Variants in SYNJ2 observed in about 807,000 individuals in gnomAD.
SYNJ2 encodes polyphosphatidylinositol phosphatase SYNJ2.
Under a neutral mutation model 141.3 loss-of-function variants are expected in SYNJ2, and 116 were observed. That is an observed-to-expected ratio of 0.82 (90% CI 0.71 to 0.96). The LOEUF is 0.96. SYNJ2 is among the 40% of genes least tolerant of loss of function. The probability of loss-of-function intolerance (pLI) is 0.00; values close to 1 mark genes in which losing one functional copy is unlikely to be tolerated. For synonymous variants in SYNJ2, 745 were observed against 777.7 expected (o/e 0.96, Z 0.70); for missense variants, 1,873 against 1,934.8 (o/e 0.97, Z 0.60).
chr6:158,047,799 A>AAAAAAAAAAAAAAAAAC (rs1562355896), intron 5 of SYNJ2, among the ~76,000 whole-genome samples: 1 of 149,806 alleles, frequency 6.7e-6, no homozygotes, highest in African/African-American at 2.5e-5. Context: ...AAAAAAAAAA[A>AAAAAAAAAAAAAAAAAC]AAAAAACACA....
Position 158,043,329 on chromosome 6 carries a change from A to C in SYNJ2, c.725A>C (p.Asp242Ala). Residue 242 changes from aspartate to alanine, a missense_variant, in exon 5 of 27, where the codon GAC (aspartate) becomes GCC (alanine). Coordinates refer to ENST00000355585, the MANE Select transcript of SYNJ2 (RefSeq NM_003898.4). The surrounding 1 kb of genome is among the most constrained non-coding windows in gnomAD (Gnocchi z 4.0). ...FVETEQMIYM[D>A]DGVSSFVQIR... ...CTTGTGCCGCAGATGATTTACATGG[A>C]CGATGGAGTGTCATCTTTTGTCCAG... is the stretch of plus-strand genomic sequence containing the variant. 6.2e-7 allele frequency: 1 copy of C among 1,613,990 alleles called. No individual in the cohort carries two copies. Among genetic ancestry groups the C allele is most frequent in the South Asian group, 1.1e-5 (1 of 91,072 alleles).
chr6:158,013,766 A>C (rs943762660), intron 1 of SYNJ2, among the ~76,000 whole-genome samples: 9 of 152,072 alleles, frequency 5.9e-5, no homozygotes. Flanking sequence ...GGTGTAAACG[A>C]GTGTGGTTTT....
intron 1 of SYNJ2, among the ~76,000 whole-genome samples, chr6:157,987,187 A>G (rs1034545132): frequency 6.6e-6 from 1 of 151,776 alleles, no homozygotes; most frequent in African/African-American, 2.4e-5. Context: ...GCATTTCACC[A>G]TGTTGGCCAG....
Position 158,092,997 on chromosome 6 carries a change from C to G in SYNJ2, c.3637C>G (p.Pro1213Ala), listed in dbSNP as rs746290137. 1.2e-6 allele frequency: 2 copies of G among 1,613,150 alleles called. No homozygotes were observed. The highest frequency in any genetic ancestry group is 2.7e-5 in the African/African-American group (2 of 74,798). Residue 1213 changes from proline to alanine, a missense_variant, in exon 26 of 27, where the codon CCG becomes GCG. Pro to Ala is a conservative substitution (Grantham distance 27). Transcript: ENST00000355585. ...AGCATCCTCTGAACCAGAGCCCACA[C>G]CGGGGGCAGCCAAACCAGAGACCCC... is the stretch of plus-strand genomic sequence containing the variant. Reference protein sequence around the residue: ...LEASSEPEPTPGAAKPETPQA... With the variant: ...LEASSEPEPTAGAAKPETPQA...
chr6:157,982,084 G>A lies in SYNJ2; in HGVS notation c.123G>A (p.Thr41=). The change falls in exon 1 of 27, where the codon ACG becomes ACA. Residue 41 remains threonine (T), a synonymous_variant. Coordinates refer to ENST00000355585, the MANE Select transcript of SYNJ2 (RefSeq NM_003898.4). The surrounding 1 kb of genome is among the most constrained non-coding windows in gnomAD (Gnocchi z 4.0). The part of the protein sequence containing the change: ...CLLFEAGTVA[T]LAPEEKEVIK... ...TGTTCGAGGCCGGCACGGTGGCCACGCTGGGTGAGTCCGGGCCGGGGGCAG... is the reference window on the plus strand; with the variant it reads ...TGTTCGAGGCCGGCACGGTGGCCACACTGGGTGAGTCCGGGCCGGGGGCAG... 7.5e-7 allele frequency: 1 copy of A among 1,334,134 alleles called. No individual in the cohort carries two copies. The allele number at this position is 1,334,134 out of a possible 1,614,324, so 82.6% of individuals were successfully genotyped here.
In SYNJ2 at chr6:158,028,757, T is replaced by C; in HGVS notation, c.216T>C (p.Gly72=). 1 of 1,613,514 alleles carries C rather than the reference T, an allele frequency of 6.2e-7. No individual in the cohort carries two copies. The highest frequency in any genetic ancestry group is 8.5e-7 in the Non-Finnish European group (1 of 1,179,510). Residue 72 remains glycine (G), a splice_region_variant and synonymous_variant, in exon 3 of 27, where the codon GGT becomes GGC. Transcript: ENST00000355585. The part of the protein sequence containing the change: ...GCLGELRLKS[G]GTSLSFLVLV... ...TCTCCTGTCTGATTTCCTTTCCAGG[T>C]GGCACGTCTCTGAGCTTCCTGGTGT... is the stretch of plus-strand genomic sequence containing the variant.
In SYNJ2 at chr6:158,064,918, G is replaced by T. The variant is rs1464338005; in HGVS notation, c.1452G>T (p.Leu484=). The change falls in exon 11 of 27, where the codon CTG becomes CTT. Residue 484 remains leucine, a synonymous_variant. Transcript: ENST00000355585. ...DGVKQEAIKL[L]LVGDVYGEEV... ...TGAAGCAGGAGGCCATCAAGCTGCT[G>T]CTGGTTGGGGACGTCTACGGCGAGG... The T allele has an allele frequency of 6.2e-7, 1 of 1,613,836 alleles. No homozygotes were observed. The highest frequency in any genetic ancestry group is 2.2e-5 in the East Asian group (1 of 44,872).
At chr6:157,981,659 T>G (rs1777010059), upstream of SYNJ2, among the ~76,000 whole-genome samples, 1 of 151,522 alleles carries the variant, frequency 6.6e-6, no homozygotes. The surrounding 1 kb of genome is among the most constrained non-coding windows in gnomAD (Gnocchi z 6.4). Flanking sequence ...GGGAGGCTCT[T>G]CCGCTCCACG....
Position 158,090,043 on chromosome 6 carries a change from T to C in SYNJ2, c.3565+96T>C, listed in dbSNP as rs552968718. ...CTAGAAACGAAAATAACTCTTTTTA[T>C]TCTTCTGGAGGCAATATTAAATGAA... On this transcript the variant is annotated intron_variant, in intron 25 of 26. Transcript: ENST00000355585. 26 of 805,964 alleles carry C rather than the reference T, an allele frequency of 3.2e-5. No homozygotes were observed. In the South Asian group the frequency reaches 3.6e-4, roughly 11 times the overall value. The allele number at this position is 805,964 out of a possible 1,614,324, so 49.9% of individuals were successfully genotyped here. A position where few individuals can be genotyped will look rare whatever the true frequency, so the allele number is the denominator to read the frequency against.
At position 158,028,992 on chromosome 6, in the gene SYNJ2, G is replaced by C. The variant is rs778480743; in HGVS notation, c.451G>C (p.Asp151His). 1.3e-6 allele frequency: 2 copies of C among 1,598,608 alleles called. No individual in the cohort carries two copies. The highest frequency in any genetic ancestry group is 8.5e-7 in the Non-Finnish European group (1 of 1,175,054). Reference sequence around the variant, plus strand: ...GACTGTCCGCACGCAGAAGCAGGGGGATGACAGCTCTGAATGGGGGAACTC... The same window carrying C: ...GACTGTCCGCACGCAGAAGCAGGGGCATGACAGCTCTGAATGGGGGAACTC... ...DLTVRTQKQG[D>H]DSSEWGNSFF... Residue 151 changes from aspartate to histidine, a missense_variant, in exon 3 of 27, where the codon GAT becomes CAT. Coordinates refer to ENST00000355585, the MANE Select transcript of SYNJ2 (RefSeq NM_003898.4).
intron 4 of SYNJ2, among the ~76,000 whole-genome samples, chr6:158,039,073 A>G (rs1266539130): frequency 6.6e-6 from 1 of 152,232 alleles, no homozygotes; most frequent in African/African-American, 2.4e-5. Context: ...AGATGGCTGC[A>G]GGGAAGTGAC....
At chr6:158,025,989 A>G (rs1042402745) in intron 2 of SYNJ2, among the ~76,000 whole-genome samples, 1 of 130,444 alleles carries the variant, frequency 7.7e-6, no homozygotes, top group African/African-American at 2.9e-5. Flanking sequence ...GCATACATAC[A>G]TACATACGTA....
intron 8 of SYNJ2, 53 bp from the exon 9 acceptor site, chr6:158,063,738 C>A: frequency 1.4e-6 from 2 of 1,466,872 alleles, no homozygotes; most frequent in Non-Finnish European, 9.5e-7. Context: ...GTGCTATGGC[C>A]ACTGCTTCTT....
Position 158,043,644 on chromosome 6 carries a change from G to A in SYNJ2, c.795+245G>A, listed in dbSNP as rs1379881249. On this transcript the variant is annotated intron_variant, in intron 5 of 26. Transcript: ENST00000355585. The surrounding 1 kb of genome is among the most constrained non-coding windows in gnomAD (Gnocchi z 4.0). ...TTTCTGGTCGTCAAGGATGCTGTGT[G>A]AAACCGCTGACTCGGGAACGGTGCT... 6.6e-6 allele frequency among the ~76,000 whole-genome samples: 1 copy of A among 152,242 alleles called. No homozygotes were observed. The highest frequency in any genetic ancestry group is 1.5e-5 in the Non-Finnish European group (1 of 68,030).
chr6:157,997,994 G>A (rs1294242702), intron 1 of SYNJ2, among the ~76,000 whole-genome samples: 8 of 152,232 alleles, frequency 5.3e-5, no homozygotes, highest in Non-Finnish European at 4.4e-5. Context: ...CCTGCTGTTG[G>A]TGTGGTTGAT....
At position 158,093,062 on chromosome 6, in the gene SYNJ2, A is replaced by G; in HGVS notation, c.3702A>G (p.Arg1234=). The part of the protein sequence containing the change: ...PPLLPRRPPP[R]VPAIKKPTLR... ...TCCTTCCCCGTCGGCCCCCACCCAG[A>G]GTTCCTGCCATCAAGAAGCCAACCT... The change falls in exon 26 of 27, where the codon AGA becomes AGG. Residue 1234 remains arginine, a synonymous_variant. Transcript: ENST00000355585. 6.2e-7 allele frequency: 1 copy of G among 1,608,150 alleles called. No individual in the cohort carries two copies. The highest frequency in any genetic ancestry group is 1.3e-5 in the African/African-American group (1 of 74,292).
chr6:158,094,046 T>C (rs1324034163), intron 26 of SYNJ2: 1 of 762,024 alleles, frequency 1.3e-6, no homozygotes, highest in African/African-American at 1.7e-5. Flanking sequence ...CGGTAATCCC[T>C]TCCTGGTCAT....
At chr6:157,981,754 C>G (rs1381830061), upstream of SYNJ2, 1 of 367,272 alleles carries the variant, frequency 2.7e-6, no homozygotes, top group Non-Finnish European at 4.6e-6. This position sits in a 1 kb window ranked among gnomAD's most constrained non-coding sequence, Gnocchi z 6.4. Context: ...GGGCGGGAGG[C>G]GGCGGCGCGC....
intron 4 of SYNJ2, among the ~76,000 whole-genome samples, chr6:158,041,926 G>A (rs1779969541): frequency 6.6e-6 from 1 of 152,204 alleles, no homozygotes; most frequent in Non-Finnish European, 1.5e-5. Flanking sequence ...TATTACCCAG[G>A]CTGGTCTCGA....
Sources: allele counts gnomAD v4.1 joint callset (sites outside exome capture counted in the v4.1 genomes callset), GRCh38; gene constraint gnomAD v4.1.1; non-coding constraint Gnocchi (gnomAD v3.1); transcripts MANE v1.5; gene names NCBI Gene and HGNC (gene_info 2026-07-23, HGNC 2026-07-21).